The following TESC variants were observed in gnomAD, a reference collection of about 807,000 sequenced individuals.
The protein encoded by TESC is calcineurin B homologous protein 3.
In TESC, 19 loss-of-function variants were observed where a neutral mutation model predicts 31.0. That is an observed-to-expected ratio of 0.61 (90% CI 0.43 to 0.90). The LOEUF is 0.90. TESC is among the 40% of genes least tolerant of loss of function. The pLI is 0.00. For synonymous variants in TESC, 109 were observed against 114.8 expected (o/e 0.95, Z 0.32); for missense variants, 248 against 303.8 (o/e 0.82, Z 1.36).
chr12:117,059,408 G>T (rs1954771985), intron 2 of TESC, among the ~76,000 whole-genome samples: 1 of 152,204 alleles, frequency 6.6e-6, no homozygotes. Flanking sequence ...AAACTCAGTA[G>T]CTGTGTCAGG....
chr12:117,067,976 C>T (rs1954910812), intron 2 of TESC, among the ~76,000 whole-genome samples: 1 of 152,160 alleles, frequency 6.6e-6, no homozygotes, highest in Non-Finnish European at 1.5e-5. Flanking sequence ...ACTGCAGCCT[C>T]AACCTCCCAG....
Position 117,099,365 on chromosome 12 carries a change from C to G in TESC, c.-83G>C, listed in dbSNP as rs1321687823. ...GGCTGCGCAGCGGCGGGACTGGCCT[C>G]GGGTCCGGCCTCGGGTCGGGACGCC... On this transcript the variant is annotated 5_prime_UTR_variant, in exon 1 of 8. Transcript: ENST00000335209. 5.4e-6 allele frequency: 7 copies of G among 1,287,116 alleles called. No individual in the cohort carries two copies. In the African/African-American group the frequency reaches 1.1e-4, roughly 20 times the overall value. The allele number at this position is 1,287,116 out of a possible 1,614,324, so 79.7% of individuals were successfully genotyped here. A position where few individuals can be genotyped will look rare whatever the true frequency, so the allele number is the denominator to read the frequency against.
In TESC at chr12:117,038,965, C is replaced by T; in HGVS notation, c.*168G>A. 2.0e-6 allele frequency: 1 copy of T among 510,608 alleles called. No individual in the cohort carries two copies. The highest frequency in any genetic ancestry group is 3.4e-6 in the Non-Finnish European group (1 of 297,326). The allele number at this position is 510,608 out of a possible 1,614,324, so 31.6% of individuals were successfully genotyped here. On this transcript the variant is annotated 3_prime_UTR_variant, in exon 8 of 8. Coordinates refer to ENST00000335209, the MANE Select transcript of TESC (RefSeq NM_017899.4). ...TTTTTTTTTTTATTGGAGATAAAAA[C>T]AGCGAAGTCCCACATACCATACCCT...
At position 117,060,191 on chromosome 12, in the gene TESC, T is replaced by TA. The variant is rs964826042; in HGVS notation, c.129-3306dup. ...CTGTTAAAATTTTCTAATAAGTCTT[T>TA]AAAAAAACAAAAAAGAACTGCTGTG... On this transcript the variant is annotated intron_variant, in intron 2 of 7. Coordinates refer to ENST00000335209, the MANE Select transcript of TESC (RefSeq NM_017899.4). Among the ~76,000 whole-genome samples the TA allele has an allele frequency of 8.5e-5, 13 of 152,068 alleles. No homozygotes were observed. In the South Asian group the frequency reaches 2.1e-3, roughly 24 times the overall value.
At chr12:117,051,554 G>A (rs1328479085) in intron 3 of TESC, among the ~76,000 whole-genome samples, 1 of 152,182 alleles carries the variant, frequency 6.6e-6, no homozygotes, top group African/African-American at 2.4e-5. Context: ...GGGCGGCAGA[G>A]ACCAAATTTA....
chr12:117,041,891 T>G, intron 7 of TESC, 56 bp downstream of exon 7: 2 of 1,527,308 alleles, frequency 1.3e-6, no homozygotes, highest in Non-Finnish European at 1.8e-6. Flanking sequence ...TCCTGACCAG[T>G]GGGCCACACG....
chr12:117,081,911 G>GA (rs942442573), intron 1 of TESC, among the ~76,000 whole-genome samples: 4 of 149,904 alleles, frequency 2.7e-5, no homozygotes, highest in African/African-American at 7.4e-5. Flanking sequence ...GTCTCAAAAA[G>GA]AAAAAAAAAG....
At chr12:117,055,585 G>A (rs1184221092) in intron 3 of TESC, among the ~76,000 whole-genome samples, 2 of 152,334 alleles carry the variant, frequency 1.3e-5, no homozygotes, top group East Asian at 3.9e-4. Context: ...AAGAGACACA[G>A]CAGGAGGAAT....
intron 2 of TESC, among the ~76,000 whole-genome samples, chr12:117,062,560 A>T (rs1302602560): frequency 6.6e-6 from 1 of 152,156 alleles, no homozygotes; most frequent in Middle Eastern, 3.2e-3. Context: ...AGGCAGAGAG[A>T]TGAAGCCACT....
At chr12:117,098,768 G>C (rs1275666490) in intron 1 of TESC, 2 of 153,744 alleles carry the variant, frequency 1.3e-5, no homozygotes, top group East Asian at 1.9e-4. Context: ...TCCCGACTAA[G>C]GTCACCCGGC....
chr12:117,054,673 G>C (rs1954696040), intron 3 of TESC, among the ~76,000 whole-genome samples: 1 of 152,148 alleles, frequency 6.6e-6, no homozygotes, highest in African/African-American at 2.4e-5. Context: ...GGGACCCTGG[G>C]AGGCTCAGCA....
chr12:117,056,436 T>C (rs1233832695), intron 3 of TESC, among the ~76,000 whole-genome samples: 1 of 139,534 alleles, frequency 7.2e-6, no homozygotes, highest in East Asian at 2.2e-4. Context: ...GCAAGCGGTG[T>C]GATCATGGCT....
In TESC at chr12:117,083,800, C is replaced by A. The variant is rs761016874; in HGVS notation, c.59-8460G>T. Reference sequence around the variant, plus strand: ...CTTTTGGGGGTGATAAGTTGTTCTACAATTAGGTAGTGGTGGCCAGGCACT... The same window carrying A: ...CTTTTGGGGGTGATAAGTTGTTCTAAAATTAGGTAGTGGTGGCCAGGCACT... On this transcript the variant is annotated intron_variant, in intron 1 of 7. Coordinates refer to ENST00000335209, the MANE Select transcript of TESC (RefSeq NM_017899.4). Among the ~76,000 whole-genome samples, 6 of 152,024 alleles carry A rather than the reference C, an allele frequency of 3.9e-5. No homozygotes were observed. The East Asian group carries it at 9.7e-4, about 24-fold the overall frequency.
rs956538146 is a variant in TESC, at chr12:117,038,949, T to C, written c.*184A>G. ...TAATTAACAAACCTTTTTTTTTTTT[T>C]TATTGGAGATAAAAACAGCGAAGTC... On this transcript the variant is annotated 3_prime_UTR_variant, in exon 8 of 8. Transcript: ENST00000335209. The C allele has an allele frequency of 1.1e-5, 6 of 560,130 alleles. No homozygotes were observed. The Admixed American group carries it at 1.6e-4, about 15-fold the overall frequency. 34.7% of individuals were successfully genotyped at this position (560,130 alleles called of 1,614,324 possible). A position where few individuals can be genotyped will look rare whatever the true frequency, so the allele number is the denominator to read the frequency against.
In TESC at chr12:117,070,995, A is replaced by C. The variant is rs1954964602; in HGVS notation, c.128+4276T>G. ...AAAAATAAAAAAAAAGATTAAAGTAACACAATCCTGCTGTGTAGCACATAA... is the reference window on the plus strand; with the variant it reads ...AAAAATAAAAAAAAAGATTAAAGTACCACAATCCTGCTGTGTAGCACATAA... On this transcript the variant is annotated intron_variant, in intron 2 of 7. Coordinates refer to ENST00000335209, the MANE Select transcript of TESC (RefSeq NM_017899.4). Among the ~76,000 whole-genome samples, 3 of 152,250 alleles carry C rather than the reference A, an allele frequency of 2.0e-5. No individual in the cohort carries two copies. The South Asian group carries it at 6.2e-4, about 32-fold the overall frequency.
At chr12:117,064,604 G>A (rs752007130) in intron 2 of TESC, among the ~76,000 whole-genome samples, 30 of 152,228 alleles carry the variant, frequency 2.0e-4, no homozygotes, top group African/African-American at 2.9e-4. Context: ...GATCCCTTAC[G>A]GGGAATCTAG....
intron 1 of TESC, among the ~76,000 whole-genome samples, chr12:117,075,869 A>ATGTGTG (rs869236765): frequency 6.4e-5 from 2 of 31,442 alleles, no homozygotes; most frequent in African/African-American, 1.7e-4. Flanking sequence ...ATATATATAT[A>ATGTGTG]TGTGTGTATA....
At chr12:117,085,745 C>T (rs1337570530) in intron 1 of TESC, among the ~76,000 whole-genome samples, 1 of 152,172 alleles carries the variant, frequency 6.6e-6, no homozygotes, top group Non-Finnish European at 1.5e-5. Flanking sequence ...GGGGAGGCTG[C>T]TGTGAGTCTC....
At position 117,075,891 on chromosome 12, in the gene TESC, A is replaced by ATGTG. The variant is rs1261411652; in HGVS notation, c.59-552_59-551insCACA. On this transcript the variant is annotated intron_variant, in intron 1 of 7. Coordinates refer to ENST00000335209, the MANE Select transcript of TESC (RefSeq NM_017899.4). ...TATATGTGTGTATATATATATATAT[A>ATGTG]TATATATATATATATATATATATGT... Among the ~76,000 whole-genome samples, 317 of 69,068 alleles carry ATGTG rather than the reference A, an allele frequency of 4.6e-3. 11 individuals carry two copies. Among genetic ancestry groups the ATGTG allele is most frequent in the African/African-American group, 0.017 (202 of 11,854 alleles). The allele number at this position is 69,068 out of a possible 152,430, so 45.3% of individuals were successfully genotyped here.
Sources: gnomAD v4.1 joint callset for allele counts (sites outside exome capture counted in the v4.1 genomes callset) on GRCh38, gnomAD v4.1.1 for gene constraint, MANE v1.5 for transcripts, NCBI Gene and HGNC (gene_info 2026-07-23, HGNC 2026-07-21) for gene names.